Variants in GAREM2 observed in about 807,000 individuals in gnomAD.
GAREM2 encodes the protein GRB2-associated and regulator of MAPK protein 2.
In GAREM2, 30 loss-of-function variants were observed where a neutral mutation model predicts 55.6. That is an observed-to-expected ratio of 0.54 (90% CI 0.40 to 0.73). The LOEUF is 0.73. GAREM2 is among the 30% of genes least tolerant of loss of function. GAREM2 has a pLI of 0.00. For synonymous variants in GAREM2, 550 were observed against 569.1 expected (o/e 0.97, Z 0.48); for missense variants, 1,075 against 1,257.7 (o/e 0.85, Z 2.20).
chr2:26,196,927 C>T, the GAREM2 span, among the ~76,000 whole-genome samples: 6 of 152,186 alleles, frequency 3.9e-5, no homozygotes, highest in Non-Finnish European at 7.3e-5. Flanking sequence ...GTCAGGTCCC[C>T]GCATCACTTC....
the GAREM2 span, among the ~76,000 whole-genome samples, chr2:26,200,949 G>A: frequency 6.6e-6 from 1 of 152,054 alleles, no homozygotes; most frequent in South Asian, 2.1e-4. Context: ...GGCCAGTCTG[G>A]TCTCGAACTC....
the GAREM2 span, chr2:26,197,629 G>A: frequency 1.2e-6 from 1 of 830,692 alleles, no homozygotes; most frequent in Non-Finnish European, 2.1e-6. Context: ...CAAGCTGTAA[G>A]CCTTTATCAG....
chr2:26,192,219 T>TAAAA, downstream of GAREM2: 3 of 658,830 alleles, frequency 4.6e-6, no homozygotes, highest in South Asian at 1.7e-5. Flanking sequence ...CTTAAAGTAT[T>TAAAA]AAAAAAAAAA....
Position 26,187,510 on chromosome 2 carries a change from G to T in GAREM2, c.1878G>T (p.Pro626=), listed in dbSNP as rs372621978. The change falls in exon 6 of 6, where the codon CCG becomes CCT. Residue 626 remains proline, a synonymous_variant. Coordinates refer to ENST00000401533, the MANE Select transcript of GAREM2 (RefSeq NM_001168241.2). ...KPSHPQKRFA[P]FGALNPFSGP... ...CACATCCCCAGAAGCGCTTTGCTCCGTTTGGAGCTCTCAACCCTTTTTCCG... is the reference window on the plus strand; with the variant it reads ...CACATCCCCAGAAGCGCTTTGCTCCTTTTGGAGCTCTCAACCCTTTTTCCG... 8 of 1,541,106 alleles carry T rather than the reference G, an allele frequency of 5.2e-6. No homozygotes were observed. The African/African-American group carries it at 1.1e-4, about 21-fold the overall frequency.
the GAREM2 span, chr2:26,199,435 G>A: frequency 1.3e-5 from 2 of 152,232 alleles, no homozygotes; most frequent in South Asian, 2.1e-4. Flanking sequence ...GAAAGCTTAC[G>A]TAGTGTCAGG....
downstream of GAREM2, chr2:26,191,379 C>T: frequency 3.1e-6 from 5 of 1,614,176 alleles, no homozygotes; most frequent in Non-Finnish European, 4.2e-6. Flanking sequence ...CATACAGATC[C>T]ACAAAGCGGA....
the GAREM2 span, chr2:26,197,778 C>T: frequency 1.4e-6 from 2 of 1,449,836 alleles, no homozygotes; most frequent in Non-Finnish European, 1.9e-6. Flanking sequence ...CTGGAATCAC[C>T]TGCAGGGGAA....
At position 26,187,674 on chromosome 2, in the gene GAREM2, C is replaced by T; in HGVS notation, c.2042C>T (p.Ser681Phe). Residue 681 changes from serine (S) to phenylalanine (F), a missense_variant, in exon 6 of 6, where the codon TCC (serine) becomes TTC (phenylalanine). Transcript: ENST00000401533. ...CAGGCCTATTCAGCTGCTCCCCCCTCCTCCTGCGCCCCCTCCTCCTCCTCT... is the reference window on the plus strand; with the variant it reads ...CAGGCCTATTCAGCTGCTCCCCCCTTCTCCTGCGCCCCCTCCTCCTCCTCT... ...PGQAYSAAPP[S>F]SCAPSSSSSS... is the part of the protein sequence containing the mutation. 6 of 1,513,490 alleles carry T rather than the reference C, an allele frequency of 4.0e-6. No homozygotes were observed. The highest frequency in any genetic ancestry group is 5.3e-6 in the Non-Finnish European group (6 of 1,128,556). 93.8% of individuals were successfully genotyped at this position (1,513,490 alleles called of 1,614,324 possible).
chr2:26,185,026 C>T lies in GAREM2; in HGVS notation c.1178C>T (p.Ala393Val), dbSNP rs1365130602. 2.2e-5 allele frequency: 25 copies of T among 1,135,242 alleles called. No homozygotes were observed. In the Admixed American group the frequency reaches 4.0e-4, roughly 18 times the overall value. The allele number at this position is 1,135,242 out of a possible 1,614,324, so 70.3% of individuals were successfully genotyped here. Reference sequence around the variant, plus strand: ...CCGCGCGCCCCCGGGCTCGCCCGCGCCCCCGGCCCGCTAGCGCCGGCTCCC... The same window carrying T: ...CCGCGCGCCCCCGGGCTCGCCCGCGTCCCCGGCCCGCTAGCGCCGGCTCCC... ...PAPRAPGLAR[A>V]PGPLAPAPAG... The change falls in exon 4 of 6, where the codon GCC (alanine) becomes GTC (valine). Residue 393 changes from alanine (A) to valine (V), a missense_variant. Transcript: ENST00000401533.
At chr2:26,173,903 C>T (rs1668778506) in intron 1 of GAREM2, among the ~76,000 whole-genome samples, 1 of 152,208 alleles carries the variant, frequency 6.6e-6, no homozygotes, top group South Asian at 2.1e-4. Context: ...GACCCCCAAA[C>T]TCCCGGCCCT....
At chr2:26,185,490 C>T (rs966247459) in intron 4 of GAREM2, among the ~76,000 whole-genome samples, 1 of 152,118 alleles carries the variant, frequency 6.6e-6, no homozygotes, top group African/African-American at 2.4e-5. Flanking sequence ...GACAGAGATG[C>T]GTGTAGGTCC....
the GAREM2 span, among the ~76,000 whole-genome samples, chr2:26,196,745 C>T: frequency 2.6e-5 from 4 of 152,300 alleles, no homozygotes; most frequent in Non-Finnish European, 4.4e-5. Flanking sequence ...TGCTCTGCTC[C>T]GATGGCGGGG....
intron 1 of GAREM2, among the ~76,000 whole-genome samples, chr2:26,175,065 C>T (rs1263045431): frequency 6.6e-6 from 1 of 151,470 alleles, no homozygotes; most frequent in Non-Finnish European, 1.5e-5. Flanking sequence ...TTGAACCGCC[C>T]GCCACCCTGC....
the GAREM2 span, among the ~76,000 whole-genome samples, chr2:26,200,455 GCAGCATTTC>G: frequency 4.6e-5 from 7 of 152,326 alleles, no homozygotes; most frequent in Admixed American, 6.5e-5. Flanking sequence ...CTGGGCCAAA[GCAGCATTTC>G]CACAGAACAA....
chr2:26,195,855 G>A, the GAREM2 span, among the ~76,000 whole-genome samples: 1 of 152,182 alleles, frequency 6.6e-6, no homozygotes, highest in African/African-American at 2.4e-5. Context: ...CTCCATGGGT[G>A]GGGCCCAGAT....
At position 26,187,233 on chromosome 2, in the gene GAREM2, C is replaced by T. The variant is rs1256700735; in HGVS notation, c.1601C>T (p.Ala534Val). ...SYYSSGLQDG[A>V]GSRSGSGSPS... ...TGTGTGTCTGTCTCTGTCCACAGGG[C>T]GGGTTCCCGCAGTGGCAGTGGCTCC... Residue 534 changes from alanine (A) to valine (V), a missense_variant and splice_region_variant, in exon 6 of 6, where the codon GCG (alanine) becomes GTG (valine). Transcript: ENST00000401533. 35 of 1,449,432 alleles carry T rather than the reference C, an allele frequency of 2.4e-5. 2 individuals carry two copies. In the South Asian group the frequency reaches 4.3e-4, roughly 18 times the overall value. 89.8% of individuals were successfully genotyped at this position (1,449,432 alleles called of 1,614,324 possible). A position where few individuals can be genotyped will look rare whatever the true frequency, so the allele number is the denominator to read the frequency against.
the GAREM2 span, among the ~76,000 whole-genome samples, chr2:26,196,174 G>C: frequency 2.8e-3 from 419 of 152,238 alleles, 1 homozygote; most frequent in African/African-American, 9.9e-3. Flanking sequence ...GGTATCAAGA[G>C]GTTAGTAGTA....
chr2:26,185,892 C>G (rs1218353183), intron 4 of GAREM2, among the ~76,000 whole-genome samples: 5 of 152,252 alleles, frequency 3.3e-5, no homozygotes, highest in African/African-American at 1.2e-4. Flanking sequence ...GGGAGCACGT[C>G]TGCTTAACCT....
Position 26,176,458 on chromosome 2 carries a change from A to C in GAREM2, c.227A>C (p.Lys76Thr). The part of the protein sequence containing the change: ...LEEGHYVIGP[K>T]IDIPLQYPGK... ...GAGGGCCACTATGTCATCGGGCCCA[A>C]GATCGACATCCCCCTGCAGTACCCA... Residue 76 changes from lysine (K) to threonine (T), a missense_variant, in exon 2 of 6, where the codon AAG becomes ACG. Physicochemically the swap from Lys to Thr is moderately conservative, Grantham distance 78. Transcript: ENST00000401533. 6.5e-7 allele frequency: 1 copy of C among 1,549,574 alleles called. No homozygotes were observed. The highest frequency in any genetic ancestry group is 2.5e-5 in the East Asian group (1 of 40,794).
Sources: gnomAD v4.1 joint callset for allele counts (sites outside exome capture counted in the v4.1 genomes callset) on GRCh38, gnomAD v4.1.1 for gene constraint, MANE v1.5 for transcripts, NCBI Gene and HGNC (gene_info 2026-07-23, HGNC 2026-07-21) for gene names.